The following ZNF365 variants were observed in gnomAD, a reference collection of about 807,000 sequenced individuals.
The protein encoded by ZNF365 is protein ZNF365.
Under a neutral mutation model 35.0 loss-of-function variants are expected in ZNF365, and 22 were observed. That is an observed-to-expected ratio of 0.63 (90% CI 0.45 to 0.90). The LOEUF is 0.90. Ranked by LOEUF, ZNF365 falls within the 40% of genes least tolerant of loss-of-function variation. ZNF365 has a pLI of 0.00. For synonymous variants in ZNF365, 188 were observed against 196.2 expected (o/e 0.96, Z 0.35); for missense variants, 448 against 500.3 (o/e 0.90, Z 1.00).
chr10:62,466,564 G>T (rs2393883), intron 4 of ZNF365, among the ~76,000 whole-genome samples: 1 of 151,872 alleles, frequency 6.6e-6, no homozygotes, highest in Non-Finnish European at 1.5e-5. Context: ...GGCACTGCTG[G>T]CCATAGAGGT....
At chr10:62,404,162 G>C (rs528291458), downstream of ZNF365, among the ~76,000 whole-genome samples, 1 of 152,120 alleles carries the variant, frequency 6.6e-6, no homozygotes, top group Non-Finnish European at 1.5e-5. Context: ...TCACATATAG[G>C]CAGGCTAGAT....
At chr10:62,383,290 T>G (rs1564567869) in intron 2 of ZNF365, among the ~76,000 whole-genome samples, 1 of 152,218 alleles carries the variant, frequency 6.6e-6, no homozygotes, top group African/African-American at 2.4e-5. Context: ...AATGGCACAC[T>G]GGTTCATTGT....
At chr10:62,459,045 T>C (rs1185355301) in intron 3 of ZNF365, among the ~76,000 whole-genome samples, 1 of 152,220 alleles carries the variant, frequency 6.6e-6, no homozygotes, top group Non-Finnish European at 1.5e-5. Context: ...ACCTAACTAG[T>C]AAATATTTAT....
chr10:62,456,874 C>T (rs1490747767), intron 3 of ZNF365, among the ~76,000 whole-genome samples: 1 of 152,072 alleles, frequency 6.6e-6, no homozygotes, highest in East Asian at 1.9e-4. Flanking sequence ...TCAGTGATTA[C>T]AACAATAAGC....
chr10:62,430,290 C>A (rs534492031), intron 3 of ZNF365, among the ~76,000 whole-genome samples: 3 of 136,808 alleles, frequency 2.2e-5, no homozygotes, highest in East Asian at 2.2e-4. Flanking sequence ...ACGCCATTCT[C>A]CTGCCTCAGC....
chr10:62,446,593 C>T (rs935724164), intron 3 of ZNF365, among the ~76,000 whole-genome samples: 1 of 90,480 alleles, frequency 1.1e-5, no homozygotes, highest in Non-Finnish European at 2.8e-5. Context: ...AGATACAGAG[C>T]TTCCAGGGAT....
At chr10:62,477,601 G>A (rs982916220) in intron 4 of ZNF365, among the ~76,000 whole-genome samples, 4 of 152,090 alleles carry the variant, frequency 2.6e-5, no homozygotes, top group African/African-American at 9.7e-5. Flanking sequence ...AATGAACTAG[G>A]TTATGCTGCA....
intron 3 of ZNF365, among the ~76,000 whole-genome samples, chr10:62,435,531 A>G (rs1840393569): frequency 3.3e-5 from 5 of 152,140 alleles, no homozygotes; most frequent in Admixed American, 3.3e-4. Flanking sequence ...TTTTCAGGAG[A>G]TTAAAGGATA....
At chr10:62,397,471 T>G (rs957093824) in intron 3 of ZNF365, among the ~76,000 whole-genome samples, 9 of 152,208 alleles carry the variant, frequency 5.9e-5, no homozygotes, top group Non-Finnish European at 8.8e-5. Flanking sequence ...TTGGTCTGCC[T>G]GCTAATGTGA....
At position 62,465,776 on chromosome 10, in the gene ZNF365, T is replaced by C. The variant is rs535816954; in HGVS notation, c.981+5979T>C. 8.9e-4 allele frequency among the ~76,000 whole-genome samples: 135 copies of C among 152,278 alleles called. 1 individual carries two copies. The highest frequency in any genetic ancestry group is 7.1e-3 in the South Asian group (34 of 4,816). The stretch of plus-strand genomic sequence containing the variant: ...TGTGGGACAAGAACTTGGGACCCAC[T>C]GAATGATGGGAGTGAAAGGAGCTGT... On this transcript the variant is annotated intron_variant, in intron 4 of 4. Transcript: ENST00000395255.
intron 4 of ZNF365, among the ~76,000 whole-genome samples, chr10:62,465,846 TC>T (rs1307421658): frequency 3.9e-5 from 6 of 152,084 alleles, no homozygotes; most frequent in Non-Finnish European, 1.5e-5. Flanking sequence ...AGTGACACAC[TC>T]CCAGACTGTG....
intron 4 of ZNF365, among the ~76,000 whole-genome samples, chr10:62,477,724 C>T (rs1329679472): frequency 6.6e-6 from 1 of 152,096 alleles, no homozygotes; most frequent in Non-Finnish European, 1.5e-5. Flanking sequence ...ATTTGGGGCC[C>T]AGGCTTTCAC....
chr10:62,462,261 C>G, intron 4 of ZNF365, among the ~76,000 whole-genome samples: 1 of 152,252 alleles, frequency 6.6e-6, no homozygotes, highest in South Asian at 2.1e-4. Flanking sequence ...TTATGTTTTA[C>G]ACTTTCTCTT....
intron 4 of ZNF365, among the ~76,000 whole-genome samples, chr10:62,460,360 T>C (rs1030221813): frequency 6.6e-6 from 1 of 152,224 alleles, no homozygotes; most frequent in Admixed American, 6.5e-5. Flanking sequence ...TACTGAACTC[T>C]TACATGTTTT....
At chr10:62,381,428 C>G (rs757250048) in intron 2 of ZNF365, among the ~76,000 whole-genome samples, 5 of 152,152 alleles carry the variant, frequency 3.3e-5, no homozygotes, top group Non-Finnish European at 7.4e-5. Flanking sequence ...ATTTCCCTGT[C>G]TCTCTGCTGA....
intron 3 of ZNF365, among the ~76,000 whole-genome samples, chr10:62,417,205 T>C (rs968070476): frequency 1.3e-5 from 2 of 152,080 alleles, no homozygotes; most frequent in Admixed American, 1.3e-4. Flanking sequence ...TCTCCTTATT[T>C]TGTGTCATTA....
At chr10:62,440,551 G>T (rs781385315) in intron 3 of ZNF365, among the ~76,000 whole-genome samples, 1 of 152,108 alleles carries the variant, frequency 6.6e-6, no homozygotes, top group Non-Finnish European at 1.5e-5. Flanking sequence ...AATAAGTAGG[G>T]GGAGAGAGAA....
chr10:62,454,662 A>G lies in ZNF365; in HGVS notation c.925-5079A>G, dbSNP rs578253415. Among the ~76,000 whole-genome samples the G allele has an allele frequency of 4.0e-5, 6 of 151,488 alleles. No individual in the cohort carries two copies. In the South Asian group the frequency reaches 1.0e-3, roughly 26 times the overall value. ...TTTTCTTTGCTTCTGATTTATCTAG[A>G]CTTTCTAATTTTCTGCAGTGAACAT... is the stretch of plus-strand genomic sequence containing the variant. On this transcript the variant is annotated intron_variant, in intron 3 of 4. Transcript: ENST00000395255.
chr10:62,469,308 T>G (rs1840995263), intron 4 of ZNF365, among the ~76,000 whole-genome samples: 1 of 152,208 alleles, frequency 6.6e-6, no homozygotes, highest in Non-Finnish European at 1.5e-5. Flanking sequence ...TTGTGAGAAT[T>G]TTGATGAGAA....
Sources: gnomAD v4.1 joint callset for allele counts (sites outside exome capture counted in the v4.1 genomes callset) on GRCh38, gnomAD v4.1.1 for gene constraint, MANE v1.5 for transcripts, NCBI Gene and HGNC (gene_info 2026-07-23, HGNC 2026-07-21) for gene names.